Variants in MDGA2 observed in about 807,000 individuals in gnomAD.
The protein encoded by MDGA2 is MAM domain-containing glycosylphosphatidylinositol anchor protein 2.
In MDGA2, 40 loss-of-function variants were observed where a neutral mutation model predicts 117.8. The ratio of observed to expected loss-of-function variants is 0.34; its 90% CI spans 0.26 to 0.44. MDGA2 has a LOEUF of 0.44. Ranked by LOEUF, MDGA2 falls within the 20% of genes least tolerant of loss-of-function variation. The pLI is 1.00. For synonymous variants in MDGA2, 452 were observed against 439.0 expected (o/e 1.03, Z -0.37); for missense variants, 1,123 against 1,250.6 (o/e 0.90, Z 1.54).
intron 1 of MDGA2, among the ~76,000 whole-genome samples, chr14:47,373,284 A>G (rs2138397355): frequency 6.6e-6 from 1 of 152,208 alleles, no homozygotes; most frequent in South Asian, 2.1e-4. Flanking sequence ...TAAAGTATAT[A>G]AATCCCAATA....
chr14:47,191,145 T>A (rs1885095199), intron 3 of MDGA2, among the ~76,000 whole-genome samples: 1 of 151,994 alleles, frequency 6.6e-6, no homozygotes, highest in Non-Finnish European at 1.5e-5. Context: ...CATATCTGTG[T>A]GTGTGTGTGA....
intron 9 of MDGA2, among the ~76,000 whole-genome samples, chr14:46,921,388 C>T (rs1206375680): frequency 6.6e-6 from 1 of 151,360 alleles, no homozygotes; most frequent in Non-Finnish European, 1.5e-5. Flanking sequence ...TCTCTTGAAC[C>T]TAGTTGTTAA....
At chr14:47,154,271 A>C (rs1883278298) in intron 3 of MDGA2, among the ~76,000 whole-genome samples, 1 of 152,210 alleles carries the variant, frequency 6.6e-6, no homozygotes, top group Non-Finnish European at 1.5e-5. Context: ...TTATTATTTT[A>C]GTGTTATACT....
At chr14:47,511,682 T>C (rs1193836027) in intron 1 of MDGA2, among the ~76,000 whole-genome samples, 1 of 152,198 alleles carries the variant, frequency 6.6e-6, no homozygotes, top group Non-Finnish European at 1.5e-5. Flanking sequence ...CAAGTTATTA[T>C]TTAAAATTTT....
At chr14:47,659,213 G>T (rs1358810663) in intron 1 of MDGA2, among the ~76,000 whole-genome samples, 1 of 152,156 alleles carries the variant, frequency 6.6e-6, no homozygotes, top group Non-Finnish European at 1.5e-5. Context: ...GCAACTTCAA[G>T]TCTAATCCCC....
intron 8 of MDGA2, among the ~76,000 whole-genome samples, chr14:47,033,284 T>C (rs1194617901): frequency 6.6e-6 from 1 of 152,108 alleles, no homozygotes; most frequent in Non-Finnish European, 1.5e-5. Context: ...CTTGAAACTT[T>C]AATTTGAAGT....
intron 1 of MDGA2, among the ~76,000 whole-genome samples, chr14:47,325,969 C>T (rs1298609626): frequency 1.3e-5 from 2 of 152,062 alleles, no homozygotes; most frequent in African/African-American, 4.8e-5. Context: ...GCGGAAGATG[C>T]CCAGAATTCA....
chr14:47,483,940 T>C (rs1469124736), intron 1 of MDGA2, among the ~76,000 whole-genome samples: 1 of 152,206 alleles, frequency 6.6e-6, no homozygotes, highest in Non-Finnish European at 1.5e-5. Flanking sequence ...TGGTAAAAAG[T>C]ACCTGTGGTG....
chr14:47,410,831 T>G (rs1594843639), intron 1 of MDGA2, among the ~76,000 whole-genome samples: 1 of 152,198 alleles, frequency 6.6e-6, no homozygotes, highest in Non-Finnish European at 1.5e-5. Context: ...TTTTTACTAA[T>G]CGAATTAACA....
At chr14:47,244,950 T>C (rs1298336034) in intron 2 of MDGA2, among the ~76,000 whole-genome samples, 5 of 151,842 alleles carry the variant, frequency 3.3e-5, no homozygotes, top group Non-Finnish European at 5.9e-5. Context: ...ATAAAGACCA[T>C]TGTGATGGTA....
At chr14:47,518,242 C>A (rs981176627) in intron 1 of MDGA2, among the ~76,000 whole-genome samples, 1 of 151,956 alleles carries the variant, frequency 6.6e-6, no homozygotes, top group Non-Finnish European at 1.5e-5. Context: ...GGAGGATGGG[C>A]GGGTGGTAGT....
chr14:47,224,390 T>A (rs762342407), intron 2 of MDGA2, among the ~76,000 whole-genome samples: 1 of 151,832 alleles, frequency 6.6e-6, no homozygotes, highest in African/African-American at 2.4e-5. Context: ...ACTGAGATAA[T>A]CTTAGGAAAA....
rs755946456 is a variant in MDGA2, at chr14:47,119,169, GCCC to G, written c.925+12542_925+12544del. Among the ~76,000 whole-genome samples the G allele has an allele frequency of 1.5e-3, 29 of 19,398 alleles. 4 individuals carry two copies. The highest frequency in any genetic ancestry group is 9.4e-3 in the Admixed American group (13 of 1,390). The allele number at this position is 19,398 out of a possible 152,430, so 12.7% of individuals were successfully genotyped here. ...GGGTTCACGCCATTCTCCTGCCTCA[GCCC>G]CGCCCCCCCCCCCCCACCCCGTAGC... On this transcript the variant is annotated intron_variant, in intron 5 of 16. Coordinates refer to ENST00000399232, the MANE Select transcript of MDGA2 (RefSeq NM_001113498.3).
At chr14:47,555,335 G>A (rs1304539508) in intron 1 of MDGA2, among the ~76,000 whole-genome samples, 3 of 152,056 alleles carry the variant, frequency 2.0e-5, no homozygotes, top group Admixed American at 6.6e-5. Context: ...AGAGTGTGTG[G>A]CTGTGGAGAG....
chr14:46,930,404 A>G (rs1425981717), intron 9 of MDGA2, among the ~76,000 whole-genome samples: 4 of 152,060 alleles, frequency 2.6e-5, no homozygotes, highest in Non-Finnish European at 4.4e-5. Flanking sequence ...TTATTCTTTC[A>G]TATACCAACA....
At chr14:47,658,793 C>T (rs1482750176) in intron 1 of MDGA2, among the ~76,000 whole-genome samples, 1 of 152,174 alleles carries the variant, frequency 6.6e-6, no homozygotes, top group Non-Finnish European at 1.5e-5. Context: ...GCCCCAGGGG[C>T]AACCCACGTC....
chr14:47,462,591 C>T (rs942604879), intron 1 of MDGA2, among the ~76,000 whole-genome samples: 3 of 152,082 alleles, frequency 2.0e-5, no homozygotes, highest in South Asian at 2.1e-4. Flanking sequence ...TTTAAAAATA[C>T]AAACTGTTGT....
chr14:47,035,748 G>C (rs1194511798), intron 7 of MDGA2, among the ~76,000 whole-genome samples: 1 of 152,128 alleles, frequency 6.6e-6, no homozygotes, highest in African/African-American at 2.4e-5. Context: ...TTGCCAAATT[G>C]CTAAGATTTA....
At chr14:47,475,299 G>C (rs1239321852) in intron 1 of MDGA2, among the ~76,000 whole-genome samples, 1 of 152,114 alleles carries the variant, frequency 6.6e-6, no homozygotes, top group Non-Finnish European at 1.5e-5. Context: ...AGTTAGAATG[G>C]CAATTATTAA....
Sources: allele counts gnomAD v4.1 joint callset (sites outside exome capture counted in the v4.1 genomes callset), GRCh38; gene constraint gnomAD v4.1.1; transcripts MANE v1.5; gene names NCBI Gene and HGNC (gene_info 2026-07-23, HGNC 2026-07-21).